The following PDE4D variants were observed in gnomAD, a reference collection of about 807,000 sequenced individuals.
The protein encoded by PDE4D is phosphodiesterase 4D, also known as 3',5'-cyclic-AMP phosphodiesterase 4D.
PDE4D carries 24 observed loss-of-function variants against 87.4 expected under a neutral mutation model. That is an observed-to-expected ratio of 0.27 (90% CI 0.20 to 0.39). The LOEUF (loss-of-function observed/expected upper bound fraction) is 0.39, where lower values mean the gene tolerates loss of function less well. PDE4D is among the 10% of genes least tolerant of loss of function. The probability of loss-of-function intolerance (pLI) is 1.00; values close to 1 mark genes in which losing one functional copy is unlikely to be tolerated. For synonymous variants in PDE4D, 384 were observed against 383.2 expected (o/e 1.00, Z -0.02); for missense variants, 714 against 1,041.0 (o/e 0.69, Z 4.32).
chr5:59,108,261 T>C (rs975723729), intron 5 of PDE4D, among the ~76,000 whole-genome samples: 2 of 152,238 alleles, frequency 1.3e-5, no homozygotes, highest in African/African-American at 4.8e-5. Flanking sequence ...TCAAGACTTA[T>C]TTTGAATTTT....
chr5:60,334,266 C>T (rs1327276370), intron 1 of PDE4D, among the ~76,000 whole-genome samples: 1 of 152,184 alleles, frequency 6.6e-6, no homozygotes, highest in African/African-American at 2.4e-5. Flanking sequence ...TTATTGATTA[C>T]TAGTGCCCTA....
chr5:60,091,362 C>T (rs996500883), intron 2 of PDE4D, among the ~76,000 whole-genome samples: 2 of 152,058 alleles, frequency 1.3e-5, no homozygotes, highest in Non-Finnish European at 1.5e-5. Flanking sequence ...ATACAAATGG[C>T]TAATGAGTGT....
At chr5:59,836,915 C>G (rs1342780421) in intron 1 of PDE4D, among the ~76,000 whole-genome samples, 1 of 151,876 alleles carries the variant, frequency 6.6e-6, no homozygotes, top group African/African-American at 2.4e-5. Flanking sequence ...TTCTTTGCAC[C>G]CTCAGAGGCT....
chr5:59,200,207 A>G (rs28461689), intron 2 of PDE4D, among the ~76,000 whole-genome samples: 1 of 140,018 alleles, frequency 7.1e-6, no homozygotes, highest in Non-Finnish European at 1.6e-5. Context: ...GTGTATGTAT[A>G]GATACACGTG....
chr5:59,878,963 A>T (rs1749031079), intron 1 of PDE4D, among the ~76,000 whole-genome samples: 1 of 126,134 alleles, frequency 7.9e-6, no homozygotes, highest in South Asian at 2.6e-4. Context: ...CAGTGACGCG[A>T]TCTCGGCTCA....
intron 1 of PDE4D, among the ~76,000 whole-genome samples, chr5:60,438,409 T>C (rs1041332622): frequency 1.2e-4 from 18 of 152,152 alleles, no homozygotes; most frequent in African/African-American, 4.1e-4. Flanking sequence ...TACCACTTGA[T>C]ATTTATATTT....
At chr5:59,292,172 A>G (rs1381702345) in intron 1 of PDE4D, among the ~76,000 whole-genome samples, 4 of 152,098 alleles carry the variant, frequency 2.6e-5, no homozygotes, top group African/African-American at 9.7e-5. Context: ...TTCAGTTGAC[A>G]GTCTTCAGTG....
At chr5:60,485,094 T>G (rs1268200099) in intron 1 of PDE4D, among the ~76,000 whole-genome samples, 1 of 152,196 alleles carries the variant, frequency 6.6e-6, no homozygotes, top group Non-Finnish European at 1.5e-5. Context: ...ACTGATTGTC[T>G]TGAAATTAAA....
intron 5 of PDE4D, among the ~76,000 whole-genome samples, chr5:59,128,212 G>T (rs938827732): frequency 6.6e-6 from 1 of 151,964 alleles, no homozygotes; most frequent in African/African-American, 2.4e-5. Context: ...CAGAACCAGC[G>T]CCCAGGTCCC....
chr5:59,614,833 ATTTT>A (rs769908305), intron 1 of PDE4D, among the ~76,000 whole-genome samples: 1 of 139,936 alleles, frequency 7.1e-6, no homozygotes, highest in Non-Finnish European at 1.6e-5. Flanking sequence ...TGTGGCTTTC[ATTTT>A]TTTTTTTTTT....
At position 60,123,143 on chromosome 5, in the gene PDE4D, C is replaced by G. The variant is rs189414629; in HGVS notation, c.42+62414G>C. On this transcript the variant is annotated intron_variant, in intron 2 of 16. Coordinates refer to the PDE4D transcript ENST00000502484. ...TGGGTCAAAGCCATTTAACAAGTCT[C>G]TAGGAAGCTCCATACTTTCCCACAT... is the stretch of plus-strand genomic sequence containing the variant. Among the ~76,000 whole-genome samples, 153 of 152,294 alleles carry G rather than the reference C, an allele frequency of 1.0e-3. 1 individual carries two copies. Among genetic ancestry groups the G allele is most frequent in the African/African-American group, 3.5e-3 (144 of 41,574 alleles).
rs531660314 is a variant in PDE4D, at chr5:60,410,382, G to A, written c.-90+77560C>T. On this transcript the variant is annotated intron_variant, in intron 1 of 16. Coordinates refer to the PDE4D transcript ENST00000502484. ...AGACATCATCTTGGAGAGAAACCTG[G>A]AAAATCCTGGAACACAGAGATCTGA... is the stretch of plus-strand genomic sequence containing the variant. Among the ~76,000 whole-genome samples the A allele has an allele frequency of 3.3e-5, 5 of 152,106 alleles. 1 individual carries two copies. The South Asian group carries it at 1.0e-3, about 32-fold the overall frequency.
Position 60,365,205 on chromosome 5 carries a change from A to G in PDE4D, c.-90+122737T>C, listed in dbSNP as rs574854216. ...TGACACATAAATACCTAACGTGCCCAACATATTTTCTCCATCTTGGCATGC... is the reference window on the plus strand; with the variant it reads ...TGACACATAAATACCTAACGTGCCCGACATATTTTCTCCATCTTGGCATGC... On this transcript the variant is annotated intron_variant, in intron 1 of 16. Transcript: ENST00000502484. 9.8e-5 allele frequency among the ~76,000 whole-genome samples: 15 copies of G among 152,362 alleles called. No homozygotes were observed. The East Asian group carries it at 2.9e-3, about 29-fold the overall frequency.
chr5:60,189,409 T>C (rs1785032380), intron 1 of PDE4D, among the ~76,000 whole-genome samples: 1 of 152,224 alleles, frequency 6.6e-6, no homozygotes, highest in South Asian at 2.1e-4. Context: ...ATACACAAAC[T>C]GTATGGTATT....
rs371816348 is a variant in PDE4D, at chr5:60,499,954, A to T, written n.70+22097T>A. Among the ~76,000 whole-genome samples, 5 of 152,232 alleles carry T rather than the reference A, an allele frequency of 3.3e-5. No homozygotes were observed. The East Asian group carries it at 7.7e-4, about 23-fold the overall frequency. On this transcript the variant is annotated intron_variant and non_coding_transcript_variant, in intron 1 of 2. Transcript: ENST00000506510. ...ATTGGTTTTGTTTCTTGAAACATTCACTCAATTTTGATTAGCAAATTTGCT... is the reference window on the plus strand; with the variant it reads ...ATTGGTTTTGTTTCTTGAAACATTCTCTCAATTTTGATTAGCAAATTTGCT...
intron 2 of PDE4D, among the ~76,000 whole-genome samples, chr5:60,145,353 ACCTTAATCCAAACTAT>A (rs1462572732): frequency 6.6e-6 from 1 of 152,162 alleles, no homozygotes; most frequent in Non-Finnish European, 1.5e-5. Context: ...TATTTATGAG[ACCTTAATCCAAACTAT>A]CCTTGTTTCC....
intron 1 of PDE4D, among the ~76,000 whole-genome samples, chr5:59,449,332 C>T (rs762401014): frequency 2.0e-5 from 3 of 152,138 alleles, no homozygotes; most frequent in Non-Finnish European, 2.9e-5. Flanking sequence ...AATGTTGAGG[C>T]CCAGGAAAAG....
chr5:59,357,082 C>T, intron 1 of PDE4D: 1 of 423,164 alleles, frequency 2.4e-6, no homozygotes, highest in Non-Finnish European at 4.1e-6. Flanking sequence ...GTTTGCTTCA[C>T]TCAGGCCTTA....
chr5:60,410,749 C>T (rs1741977784), intron 1 of PDE4D, among the ~76,000 whole-genome samples: 1 of 152,182 alleles, frequency 6.6e-6, no homozygotes, highest in Admixed American at 6.5e-5. Context: ...TGTCAAGTAA[C>T]AGAACTGTCA....
Sources: gnomAD v4.1 joint callset for allele counts (sites outside exome capture counted in the v4.1 genomes callset) on GRCh38, gnomAD v4.1.1 for gene constraint, MANE v1.5 for transcripts, NCBI Gene and HGNC (gene_info 2026-07-23, HGNC 2026-07-21) for gene names.